The following GCSAM variants were observed in gnomAD, a reference collection of about 807,000 sequenced individuals.
GCSAM encodes germinal center associated signaling and motility.
In GCSAM, 8 loss-of-function variants were observed where a neutral mutation model predicts 17.6. The ratio of observed to expected loss-of-function variants is 0.46; its 90% CI spans 0.27 to 0.82. The LOEUF (loss-of-function observed/expected upper bound fraction) is 0.82. Among genes scored for constraint, GCSAM ranks in the 40% least tolerant of loss-of-function variants. GCSAM has a pLI of 0.15. For missense variants in GCSAM, 192 were observed against 213.5 expected (o/e 0.90, Z 0.63); for synonymous variants, 68 against 69.0 (o/e 0.98, Z 0.07).
At position 112,130,523 on chromosome 3, in the gene GCSAM, A is replaced by C; in HGVS notation, c.30-10T>G. The C allele has an allele frequency of 6.2e-7, 1 of 1,612,736 alleles. No individual in the cohort carries two copies. Among genetic ancestry groups the C allele is most frequent in the Non-Finnish European group, 8.5e-7 (1 of 1,178,786 alleles). ...AGTGTTCTGCTGCCGCCTGAAACTCAACATATCAGAAACAGGCTAAGTATT... is the reference window on the plus strand; with the variant it reads ...AGTGTTCTGCTGCCGCCTGAAACTCCACATATCAGAAACAGGCTAAGTATT... On this transcript the variant is annotated splice_polypyrimidine_tract_variant and intron_variant, in intron 1 of 5. Transcript: ENST00000308910.
intron 3 of GCSAM, among the ~76,000 whole-genome samples, chr3:112,127,699 G>A (rs1378733982): frequency 6.6e-6 from 1 of 152,180 alleles, no homozygotes; most frequent in Non-Finnish European, 1.5e-5. Flanking sequence ...CTATGTGCAA[G>A]GGATAGAAAT....
intron 5 of GCSAM, 74 bp downstream of exon 5, chr3:112,125,134 GAAGGGATCTCAGAGGCCA>G: frequency 2.4e-6 from 2 of 847,004 alleles, no homozygotes; most frequent in South Asian, 2.7e-5. Context: ...GTAAGGGTCA[GAAGGGATCTCAGAGGCCA>G]ACTTCTCCTG....
intron 4 of GCSAM, among the ~76,000 whole-genome samples, chr3:112,126,212 G>A (rs548894121): frequency 1.9e-4 from 29 of 152,314 alleles, no homozygotes; most frequent in African/African-American, 7.0e-4. Flanking sequence ...AGTGGCTAGG[G>A]TGGGAGGCTG....
chr3:112,122,973 A>G lies in GCSAM; in HGVS notation c.*482T>C, dbSNP rs1446165783. ...ACTATGTAAAAGACATGACTTAGAC[A>G]CATGGAGTGAGAGGAGCAACACAGG... On this transcript the variant is annotated 3_prime_UTR_variant, in exon 6 of 6. Transcript: ENST00000308910. The G allele has an allele frequency of 1.2e-5, 2 of 173,450 alleles. No homozygotes were observed. Among genetic ancestry groups the G allele is most frequent in the African/African-American group, 2.4e-5 (1 of 41,768 alleles). 10.7% of individuals were successfully genotyped at this position (173,450 alleles called of 1,614,324 possible).
Position 112,123,247 on chromosome 3 carries a change from A to G in GCSAM, c.*208T>C, listed in dbSNP as rs888824375. 5 of 886,768 alleles carry G rather than the reference A, an allele frequency of 5.6e-6. No homozygotes were observed. Among genetic ancestry groups the G allele is most frequent in the Non-Finnish European group, 8.3e-6 (5 of 604,176 alleles). The allele number at this position is 886,768 out of a possible 1,614,324, so 54.9% of individuals were successfully genotyped here. ...CCAAAGATGGTTACCTCTTTCTCAA[A>G]TGGTGTTGTTCAGGATAAATGGTTG... On this transcript the variant is annotated 3_prime_UTR_variant, in exon 6 of 6. Transcript: ENST00000308910.
At chr3:112,131,471 C>T (rs1225094184) in intron 1 of GCSAM, among the ~76,000 whole-genome samples, 1 of 152,064 alleles carries the variant, frequency 6.6e-6, no homozygotes. Flanking sequence ...AATACGTTAA[C>T]GGAAACATTT....
Position 112,133,073 on chromosome 3 carries a change from A to G in GCSAM, c.29+19T>C, listed in dbSNP as rs774493004. On this transcript the variant is annotated intron_variant, in intron 1 of 5. Coordinates refer to ENST00000308910, the MANE Select transcript of GCSAM (RefSeq NM_152785.5). ...CCTGTCCCATCTCCTCTGCTCTCCC[A>G]CAGGGAGTCTAGACTTACCTGTTTT... 7 of 1,612,572 alleles carry G rather than the reference A, an allele frequency of 4.3e-6. No homozygotes were observed. Among genetic ancestry groups the G allele is most frequent in the Non-Finnish European group, 5.9e-6 (7 of 1,178,764 alleles).
rs749623172 is a variant in GCSAM, at chr3:112,125,289, T to A, written c.191-35A>T. On this transcript the variant is annotated intron_variant, in intron 4 of 5. Coordinates refer to ENST00000308910, the MANE Select transcript of GCSAM (RefSeq NM_152785.5). ...GAAAATACACTCAATGAATTTCAGG[T>A]TATGGGGAGATTTGAAGGGAAGAGC... 26 of 1,486,756 alleles carry A rather than the reference T, an allele frequency of 1.7e-5. No individual in the cohort carries two copies. In the Admixed American group the frequency reaches 3.0e-4, roughly 17 times the overall value. 92.1% of individuals were successfully genotyped at this position (1,486,756 alleles called of 1,614,324 possible). A position where few individuals can be genotyped will look rare whatever the true frequency, so the allele number is the denominator to read the frequency against.
At chr3:112,130,361 C>G in intron 2 of GCSAM, 84 bp downstream of exon 2, 4 of 1,054,428 alleles carry the variant, frequency 3.8e-6, no homozygotes, top group Non-Finnish European at 6.0e-6. Context: ...GGCCCTCTCT[C>G]ACTGGGATGT....
In GCSAM at chr3:112,123,624, C is replaced by T. The variant is rs139176068; in HGVS notation, c.368G>A (p.Gly123Glu). 2.5e-4 allele frequency: 407 copies of T among 1,614,098 alleles called. 2 individuals carry two copies. The East Asian group carries it at 8.1e-3, about 32-fold the overall frequency. ...TAGAAGTGAATACTCAGTCTCAGTT[C>T]CTCCCAAGGACTCTCTGGGTCTCTC... ...KAERPRESLGGTETEYSLLHM... is the reference protein window; with the variant it reads ...KAERPRESLGETETEYSLLHM... The change falls in exon 6 of 6, where the codon GGA (glycine) becomes GAA (glutamate). Residue 123 changes from glycine to glutamate, a missense_variant. Coordinates refer to ENST00000308910, the MANE Select transcript of GCSAM (RefSeq NM_152785.5).
In GCSAM at chr3:112,121,473, G is replaced by A. The variant is rs1449415072; in HGVS notation, c.*1982C>T. On this transcript the variant is annotated 3_prime_UTR_variant, in exon 6 of 6. Coordinates refer to ENST00000308910, the MANE Select transcript of GCSAM (RefSeq NM_152785.5). ...TAATCCTCCTGTTGATGGTGAAGAAGCTGAGCCTCCAAGTAGCATGTTCAA... is the reference window on the plus strand; with the variant it reads ...TAATCCTCCTGTTGATGGTGAAGAAACTGAGCCTCCAAGTAGCATGTTCAA... 6.6e-6 allele frequency: 1 copy of A among 152,252 alleles called. No individual in the cohort carries two copies. Among genetic ancestry groups the A allele is most frequent in the Non-Finnish European group, 1.5e-5 (1 of 68,060 alleles). The allele number at this position is 152,252 out of a possible 1,614,324, so 9.4% of individuals were successfully genotyped here.
intron 1 of GCSAM, 116 bp from the exon 2 acceptor site, chr3:112,130,629 A>G: frequency 2.2e-6 from 2 of 902,544 alleles, no homozygotes; most frequent in Non-Finnish European, 3.7e-6. Context: ...TCAGAAATTG[A>G]CTGGTTGCCC....
In GCSAM at chr3:112,121,399, T is replaced by C. The variant is rs1280484816; in HGVS notation, c.*2056A>G. The C allele has an allele frequency of 6.6e-6, 1 of 152,236 alleles. No homozygotes were observed. Among genetic ancestry groups the C allele is most frequent in the Non-Finnish European group, 1.5e-5 (1 of 68,048 alleles). 9.4% of individuals were successfully genotyped at this position (152,236 alleles called of 1,614,324 possible). A position where few individuals can be genotyped will look rare whatever the true frequency, so the allele number is the denominator to read the frequency against. ...AAGATTTTTGTTTCTCTATGCTCTT[T>C]GATATCATTTATTCGGCATCTGTAA... On this transcript the variant is annotated 3_prime_UTR_variant, in exon 6 of 6. Coordinates refer to ENST00000308910, the MANE Select transcript of GCSAM (RefSeq NM_152785.5).
chr3:112,132,418 C>T (rs899978616), intron 1 of GCSAM, among the ~76,000 whole-genome samples: 4 of 152,218 alleles, frequency 2.6e-5, no homozygotes, highest in South Asian at 4.2e-4. Flanking sequence ...TTTGGTGGCA[C>T]GGCTTTGATA....
At chr3:112,132,695 A>G in intron 1 of GCSAM, 1 of 988,000 alleles carries the variant, frequency 1.0e-6, no homozygotes, top group Middle Eastern at 5.2e-4. Context: ...CTTGCTGTTT[A>G]TTTCAAACTT....
At position 112,127,021 on chromosome 3, in the gene GCSAM, G is replaced by A; in HGVS notation, c.156C>T (p.Leu52=). Residue 52 remains leucine (L), a synonymous_variant, in exon 4 of 6, where the codon CTC becomes CTT. Transcript: ENST00000308910. ...GCFCLPWKKI[L]IFEKRQDSQN... Reference sequence around the variant, plus strand: ...GGGAATCTTGCCTCTTTTCAAAAATGAGTATTTTTTTCCTGTAAAAGAAAA... The same window carrying A: ...GGGAATCTTGCCTCTTTTCAAAAATAAGTATTTTTTTCCTGTAAAAGAAAA... 6.3e-7 allele frequency: 1 copy of A among 1,584,814 alleles called. No individual in the cohort carries two copies. Among genetic ancestry groups the A allele is most frequent in the Non-Finnish European group, 8.6e-7 (1 of 1,156,858 alleles).
intron 3 of GCSAM, 132 bp downstream of exon 3, chr3:112,127,885 C>A: frequency 1.4e-6 from 1 of 717,326 alleles, no homozygotes; most frequent in Admixed American, 2.1e-5. Flanking sequence ...CCCTGATTAA[C>A]TCTTAGGTGA....
chr3:112,126,388 T>A (rs1270333939), intron 4 of GCSAM, among the ~76,000 whole-genome samples: 1 of 152,196 alleles, frequency 6.6e-6, no homozygotes, highest in Non-Finnish European at 1.5e-5. Context: ...TTTTTAGGTG[T>A]GATACAATTC....
At position 112,122,226 on chromosome 3, in the gene GCSAM, T is replaced by A. The variant is rs1303203127; in HGVS notation, c.*1229A>T. The stretch of plus-strand genomic sequence containing the variant: ...TCATTTAGGGCAGGTGTCTGCAAAC[T>A]TTTTTTCCAAAAAGTGCCAAAGTAT... On this transcript the variant is annotated 3_prime_UTR_variant, in exon 6 of 6. Coordinates refer to ENST00000308910, the MANE Select transcript of GCSAM (RefSeq NM_152785.5). The A allele has an allele frequency of 6.6e-6, 1 of 152,210 alleles. No individual in the cohort carries two copies. The highest frequency in any genetic ancestry group is 1.5e-5 in the Non-Finnish European group (1 of 68,030). 9.4% of individuals were successfully genotyped at this position (152,210 alleles called of 1,614,324 possible).
Sources: allele counts gnomAD v4.1 joint callset (sites outside exome capture counted in the v4.1 genomes callset), GRCh38; gene constraint gnomAD v4.1.1; transcripts MANE v1.5; gene names NCBI Gene and HGNC (gene_info 2026-07-23, HGNC 2026-07-21).